Variants in IFI44L observed in about 807,000 individuals in gnomAD.
IFI44L encodes interferon induced protein 44 like.
A neutral mutation model predicts 39.3 loss-of-function variants in IFI44L; 40 were observed. That is an observed-to-expected ratio of 1.02 (90% CI 0.79 to 1.33). IFI44L has a LOEUF of 1.33. IFI44L is among the 40% of genes most tolerant of loss of function. The pLI, the probability that IFI44L is intolerant of heterozygous loss-of-function variation, is 0.00. For synonymous variants in IFI44L, 198 were observed against 182.3 expected, an observed-to-expected ratio of 1.09 and a Z score of -0.69; for missense variants, 623 against 549.0, an observed-to-expected ratio of 1.13 and a Z score of -1.35.
At position 78,629,871 on chromosome 1, in the gene IFI44L, G is replaced by A; in HGVS notation, c.679G>A (p.Gly227Ser). ...VKSIFHGHVT[G>S]QAVVGSDITS... ...GTCTATTTTTCATGGCCATGTGACTGGCCAAGCCGTAGTGGGGTCTGATAT... is the reference window on the plus strand; with the variant it reads ...GTCTATTTTTCATGGCCATGTGACTAGCCAAGCCGTAGTGGGGTCTGATAT... Residue 227 changes from glycine to serine, a missense_variant, in exon 4 of 9, where the codon GGC becomes AGC. Coordinates refer to ENST00000370751, the MANE Select transcript of IFI44L (RefSeq NM_006820.4). 1.2e-6 allele frequency: 2 copies of A among 1,613,682 alleles called. No homozygotes were observed. The highest frequency in any genetic ancestry group is 1.7e-6 in the Non-Finnish European group (2 of 1,179,788).
intron 3 of IFI44L, among the ~76,000 whole-genome samples, 197 bp downstream of exon 3, chr1:78,629,196 T>C (rs1652620875): frequency 6.6e-6 from 1 of 152,164 alleles, no homozygotes; most frequent in Admixed American, 6.6e-5. Flanking sequence ...ATTGACCAAT[T>C]TGACTTCATT....
chr1:78,634,149 CTTAAGTAAAT>C (rs1652854715), intron 4 of IFI44L, among the ~76,000 whole-genome samples: 1 of 151,994 alleles, frequency 6.6e-6, no homozygotes, highest in South Asian at 2.1e-4. Context: ...TAATAGAAAT[CTTAAGTAAAT>C]AAATAGTAGC....
In IFI44L at chr1:78,622,833, T is replaced by A. The variant is rs534667814; in HGVS notation, c.-11+2262T>A. Among the ~76,000 whole-genome samples the A allele has an allele frequency of 3.3e-5, 5 of 152,318 alleles. No homozygotes were observed. In the South Asian group the frequency reaches 1.0e-3, roughly 32 times the overall value. On this transcript the variant is annotated intron_variant, in intron 1 of 8. Transcript: ENST00000370751. Reference sequence around the variant, plus strand: ...TATCTACAACCATAAGGAACTGAATTCTGCTAACAACCATAGGAGCTTGGA... The same window carrying A: ...TATCTACAACCATAAGGAACTGAATACTGCTAACAACCATAGGAGCTTGGA...
At position 78,642,458 on chromosome 1, in the gene IFI44L, T is replaced by G. The variant is rs1210927577; in HGVS notation, c.*649T>G. 6.7e-6 allele frequency: 1 copy of G among 150,266 alleles called. No individual in the cohort carries two copies. The highest frequency in any genetic ancestry group is 1.5e-5 in the Non-Finnish European group (1 of 67,896). The allele number at this position is 150,266 out of a possible 1,614,324, so 9.3% of individuals were successfully genotyped here. A position where few individuals can be genotyped will look rare whatever the true frequency, so the allele number is the denominator to read the frequency against. ...TTAGCTGGGTATGATGGCACGTGCC[T>G]GTAGTCCCAGTTACTCAGGATGATT... On this transcript the variant is annotated 3_prime_UTR_variant, in exon 9 of 9. Transcript: ENST00000370751.
chr1:78,628,957 A>G lies in IFI44L; in HGVS notation c.485A>G (p.Lys162Arg), dbSNP rs1188212835. 1.3e-6 allele frequency: 2 copies of G among 1,566,682 alleles called. No homozygotes were observed. The highest frequency in any genetic ancestry group is 3.4e-5 in the Admixed American group (2 of 59,082). Residue 162 changes from lysine (K) to arginine (R), a missense_variant, in exon 3 of 9, where the codon AAG becomes AGG. Coordinates refer to ENST00000370751, the MANE Select transcript of IFI44L (RefSeq NM_006820.4). ...CTATGTTTATTTCCTATAGGAATTAAGGATAACCTAGACGACATAAAGAGG... is the reference window on the plus strand; with the variant it reads ...CTATGTTTATTTCCTATAGGAATTAGGGATAACCTAGACGACATAAAGAGG... ...ECEVFRVEGI[K>R]DNLDDIKRII...
chr1:78,641,749 T>G, intron 8 of IFI44L, 26 bp from the exon 9 acceptor site: 2 of 1,613,452 alleles, frequency 1.2e-6, no homozygotes, highest in Non-Finnish European at 1.7e-6. Flanking sequence ...ATGTTTCATT[T>G]CCACTCTTGT....
Position 78,641,957 on chromosome 1 carries a change from C to T in IFI44L, c.*148C>T, listed in dbSNP as rs1646992390. The T allele has an allele frequency of 1.2e-6, 1 of 865,374 alleles. No homozygotes were observed. The highest frequency in any genetic ancestry group is 2.0e-6 in the Non-Finnish European group (1 of 510,122). 53.6% of individuals were successfully genotyped at this position (865,374 alleles called of 1,614,324 possible). A position where few individuals can be genotyped will look rare whatever the true frequency, so the allele number is the denominator to read the frequency against. ...ACAGTCATATCTCAAGTTCAAAGGC[C>T]AAAACCTGAGAAGCGGTGGGCTAAG... On this transcript the variant is annotated 3_prime_UTR_variant, in exon 9 of 9. Transcript: ENST00000370751.
chr1:78,620,990 T>C (rs567292547), intron 1 of IFI44L: 68 of 152,334 alleles, frequency 4.5e-4, no homozygotes, highest in African/African-American at 1.4e-3. Context: ...CTTCTTGCCA[T>C]CCAATTTTGC....
At chr1:78,632,489 G>T (rs1652784948) in intron 4 of IFI44L, among the ~76,000 whole-genome samples, 1 of 152,120 alleles carries the variant, frequency 6.6e-6, no homozygotes, top group Non-Finnish European at 1.5e-5. Flanking sequence ...AATAAATTAG[G>T]TTAAAAAATC....
chr1:78,632,761 T>A (rs1652800548), intron 4 of IFI44L, among the ~76,000 whole-genome samples: 1 of 152,206 alleles, frequency 6.6e-6, no homozygotes, highest in Admixed American at 6.5e-5. Flanking sequence ...ATCAAGAGAT[T>A]GAATTGGAGC....
chr1:78,637,287 C>A, intron 6 of IFI44L, 84 bp downstream of exon 6: 2 of 987,650 alleles, frequency 2.0e-6, no homozygotes, highest in Admixed American at 2.9e-5. Flanking sequence ...ACAGAGATTT[C>A]CCATGTACCT....
rs1345585967 is a variant in IFI44L, at chr1:78,642,656, TAAA to T, written c.*848_*850del. 1 of 151,908 alleles carries T rather than the reference TAAA, an allele frequency of 6.6e-6. No individual in the cohort carries two copies. The highest frequency in any genetic ancestry group is 1.5e-5 in the Non-Finnish European group (1 of 67,956). 9.4% of individuals were successfully genotyped at this position (151,908 alleles called of 1,614,324 possible). On this transcript the variant is annotated 3_prime_UTR_variant, in exon 9 of 9. Transcript: ENST00000370751. ...AAAAGCTGGGGAGAGGAAATAAAAA[TAAA>T]GAAGGAAGAGTGTTTCATTTATATC...
chr1:78,629,947 AG>A, intron 4 of IFI44L, 32 bp downstream of exon 4: 1 of 1,559,274 alleles, frequency 6.4e-7, no homozygotes. Context: ...TTTATTTTAT[AG>A]ATTACAATTA....
Position 78,641,154 on chromosome 1 carries a change from G to T in IFI44L, c.1149+33G>T, listed in dbSNP as rs764332927. 1.5e-5 allele frequency: 20 copies of T among 1,366,632 alleles called. No homozygotes were observed. The African/African-American group carries it at 2.7e-4, about 19-fold the overall frequency. 84.7% of individuals were successfully genotyped at this position (1,366,632 alleles called of 1,614,324 possible). ...ATGCTGATCATAACCAGATATTATT[G>T]TAATAGTATCACAATCATACGTGTG... is the stretch of plus-strand genomic sequence containing the variant. On this transcript the variant is annotated intron_variant, in intron 7 of 8. Transcript: ENST00000370751.
intron 1 of IFI44L, among the ~76,000 whole-genome samples, chr1:78,621,270 A>G (rs993342837): frequency 6.6e-5 from 10 of 152,114 alleles, no homozygotes; most frequent in South Asian, 4.1e-4. Context: ...ATGACTCTCT[A>G]CTATATATTG....
chr1:78,631,601 AT>A (rs1652751446), intron 4 of IFI44L: 1 of 152,168 alleles, frequency 6.6e-6, no homozygotes, highest in Non-Finnish European at 1.5e-5. Flanking sequence ...TGTTGAATGT[AT>A]ATCTGACCAT....
chr1:78,645,891 A>G lies in IFI44L; in HGVS notation c.*4082A>G, dbSNP rs1221111215. The stretch of plus-strand genomic sequence containing the variant: ...TCAATGTTCAGCTGTACCCTCCCAC[A>G]ATCCCACTTCCTTCCTCAACACAAT... On this transcript the variant is annotated 3_prime_UTR_variant, in exon 9 of 9. Transcript: ENST00000370751. 4 of 152,118 alleles carry G rather than the reference A, an allele frequency of 2.6e-5. No individual in the cohort carries two copies. Among genetic ancestry groups the G allele is most frequent in the African/African-American group, 4.8e-5 (2 of 41,414 alleles). 9.4% of individuals were successfully genotyped at this position (152,118 alleles called of 1,614,324 possible). A position where few individuals can be genotyped will look rare whatever the true frequency, so the allele number is the denominator to read the frequency against.
intron 1 of IFI44L, among the ~76,000 whole-genome samples, chr1:78,623,048 A>G (rs1316177985): frequency 6.6e-6 from 1 of 152,246 alleles, no homozygotes; most frequent in East Asian, 1.9e-4. Context: ...GCAATAGATA[A>G]ATAGCACACT....
In IFI44L at chr1:78,637,152, T is replaced by G. The variant is rs1463453170; in HGVS notation, c.997T>G (p.Ser333Ala). The G allele has an allele frequency of 6.2e-7, 1 of 1,609,720 alleles. No individual in the cohort carries two copies. The highest frequency in any genetic ancestry group is 1.1e-5 in the South Asian group (1 of 90,118). ...CATCAACTCTATTGACAATCTCTACTCTAAAATGTTGGCAAAAGTGAAGCA... is the reference window on the plus strand; with the variant it reads ...CATCAACTCTATTGACAATCTCTACGCTAAAATGTTGGCAAAAGTGAAGCA... ...LDINSIDNLYSKMLAKVKQVH... is the reference protein window; with the variant it reads ...LDINSIDNLYAKMLAKVKQVH... Residue 333 changes from serine to alanine, a missense_variant, in exon 6 of 9, where the codon TCT (serine) becomes GCT (alanine). Ser to Ala is a moderately conservative substitution (Grantham distance 99). Transcript: ENST00000370751.
Sources: gnomAD v4.1 joint callset for allele counts (sites outside exome capture counted in the v4.1 genomes callset) on GRCh38, gnomAD v4.1.1 for gene constraint, MANE v1.5 for transcripts, NCBI Gene and HGNC (gene_info 2026-07-23, HGNC 2026-07-21) for gene names.